The following FAT3 variants were observed in gnomAD, a reference collection of about 807,000 sequenced individuals.
The protein encoded by FAT3 is protocadherin Fat 3.
FAT3 carries 95 observed loss-of-function variants against 310.2 expected under a neutral mutation model. That is an observed-to-expected ratio of 0.31 (90% CI 0.26 to 0.36). The LOEUF is 0.36. FAT3 is among the 10% of genes least tolerant of loss of function. The probability of loss-of-function intolerance (pLI) is 1.00; values close to 1 mark genes in which losing one functional copy is unlikely to be tolerated. For missense variants in FAT3, 5,408 were observed against 5,715.6 expected (o/e 0.95, Z 1.74); for synonymous variants, 2,314 against 2,192.9 (o/e 1.06, Z -1.54).
Position 92,524,653 on chromosome 11 carries a change from C to T in FAT3, c.3312C>T (p.Asp1104=), listed in dbSNP as rs763588628. 2.5e-6 allele frequency: 4 copies of T among 1,613,094 alleles called. No homozygotes were observed. The highest frequency in any genetic ancestry group is 2.7e-5 in the African/African-American group (2 of 74,880). ...DDESGVITAA[D]ILDRETMGSY... is the part of the protein sequence containing the mutation. ...TCTCAGGGGTCATCACTGCCGCAGACATTCTTGATCGGGAGACAATGGGGT... is the reference window on the plus strand; with the variant it reads ...TCTCAGGGGTCATCACTGCCGCAGATATTCTTGATCGGGAGACAATGGGGT... Residue 1104 remains aspartate (D), a synonymous_variant, in exon 3 of 28, where the codon GAC becomes GAT. Coordinates refer to ENST00000525166, the MANE Select transcript of FAT3 (RefSeq NM_001367949.2).
At chr11:92,718,589 G>C (rs1944761039) in intron 4 of FAT3, among the ~76,000 whole-genome samples, 1 of 152,078 alleles carries the variant, frequency 6.6e-6, no homozygotes, top group African/African-American at 2.4e-5. Context: ...TGTCTTCCTA[G>C]TATATAGCAT....
At chr11:92,345,106 G>A (rs1948377328) in intron 1 of FAT3, among the ~76,000 whole-genome samples, 1 of 152,058 alleles carries the variant, frequency 6.6e-6, no homozygotes, top group African/African-American at 2.4e-5. Flanking sequence ...GAAATAGTGG[G>A]CTAGCTATTT....
intron 19 of FAT3, among the ~76,000 whole-genome samples, chr11:92,847,114 C>T (rs980921000): frequency 1.3e-5 from 2 of 152,228 alleles, no homozygotes; most frequent in African/African-American, 4.8e-5. Flanking sequence ...TGAATCATAA[C>T]CTCAGTGCTA....
At position 92,758,754 on chromosome 11, in the gene FAT3, A is replaced by AG. The variant is rs755061931; in HGVS notation, c.3670-3099dup. On this transcript the variant is annotated intron_variant, in intron 4 of 27. Transcript: ENST00000525166. ...GCAAGATGCAAGGGGGGTCTGTAAT[A>AG]GGGCAGTGTGACAGAAGAGTTGGCA... is the stretch of plus-strand genomic sequence containing the variant. Among the ~76,000 whole-genome samples, 7 of 152,290 alleles carry AG rather than the reference A, an allele frequency of 4.6e-5. No homozygotes were observed. In the East Asian group the frequency reaches 1.4e-3, roughly 29 times the overall value.
chr11:92,783,387 G>A (rs1435221831), intron 7 of FAT3, among the ~76,000 whole-genome samples: 1 of 146,496 alleles, frequency 6.8e-6, no homozygotes, highest in Middle Eastern at 3.3e-3. Flanking sequence ...AAAAGGCAGT[G>A]GCCTATACTT....
At chr11:92,595,900 C>T (rs929798917) in intron 3 of FAT3, among the ~76,000 whole-genome samples, 8 of 152,116 alleles carry the variant, frequency 5.3e-5, no homozygotes, top group East Asian at 3.9e-4. Context: ...GCTTGGGATC[C>T]GGGTTCCTGG....
chr11:92,404,045 G>A (rs997932442), intron 2 of FAT3, among the ~76,000 whole-genome samples: 1 of 151,874 alleles, frequency 6.6e-6, no homozygotes, highest in Non-Finnish European at 1.5e-5. Context: ...GAAAAAAAAG[G>A]GAGAGAAAGA....
chr11:92,671,250 G>C (rs1244162211), intron 3 of FAT3, among the ~76,000 whole-genome samples: 1 of 151,880 alleles, frequency 6.6e-6, no homozygotes, highest in Non-Finnish European at 1.5e-5. Flanking sequence ...TCGTCATGTT[G>C]GTCAGGCTGG....
Position 92,352,818 on chromosome 11 carries a change from C to G in FAT3, c.706C>G (p.Arg236Gly), listed in dbSNP as rs267603238. ...RYDLEILAVD[R>G]GMKLYGNNGV... ...TGATCTGGAAATTTTGGCTGTGGAC[C>G]GGGGAATGAAACTGTATGGGAACAA... is the stretch of plus-strand genomic sequence containing the variant. Residue 236 changes from arginine to glycine, a missense_variant, in exon 2 of 28, where the codon CGG becomes GGG. Physicochemically the swap from Arg to Gly is moderately radical, Grantham distance 125. Transcript: ENST00000525166. 1 of 1,613,728 alleles carries G rather than the reference C, an allele frequency of 6.2e-7. No homozygotes were observed. Among genetic ancestry groups the G allele is most frequent in the Non-Finnish European group, 8.5e-7 (1 of 1,179,854 alleles).
chr11:92,884,656 T>C (rs1004343463), intron 24 of FAT3, among the ~76,000 whole-genome samples: 6 of 152,218 alleles, frequency 3.9e-5, no homozygotes, highest in African/African-American at 1.4e-4. Flanking sequence ...TTCCTACTGA[T>C]ATCTTTAAGC....
chr11:92,667,935 A>G (rs1314143145), intron 3 of FAT3, among the ~76,000 whole-genome samples: 2 of 152,150 alleles, frequency 1.3e-5, no homozygotes, highest in Non-Finnish European at 2.9e-5. Context: ...CAGCATAATG[A>G]TGTGTGTGCT....
intron 1 of FAT3, among the ~76,000 whole-genome samples, chr11:92,254,730 A>T (rs972578398): frequency 6.6e-6 from 1 of 151,868 alleles, no homozygotes; most frequent in Non-Finnish European, 1.5e-5. Context: ...TTTGAGGTGG[A>T]GTTTCACTCT....
intron 3 of FAT3, among the ~76,000 whole-genome samples, chr11:92,624,209 TGA>T (rs1047099929): frequency 6.6e-6 from 1 of 152,084 alleles, no homozygotes; most frequent in African/African-American, 2.4e-5. Context: ...CCCTTGAAAG[TGA>T]TGACACCTGC....
intron 2 of FAT3, among the ~76,000 whole-genome samples, chr11:92,416,772 G>C (rs965530706): frequency 4.6e-5 from 7 of 152,194 alleles, no homozygotes; most frequent in Non-Finnish European, 7.3e-5. Context: ...GCAGGTTCCA[G>C]TTAAGAGGGT....
intron 1 of FAT3, among the ~76,000 whole-genome samples, chr11:92,349,507 G>A (rs140760622): frequency 2.0e-5 from 3 of 152,280 alleles, no homozygotes; most frequent in African/African-American, 7.2e-5. Context: ...TGTGGGCTTC[G>A]CCACTCTGCT....
chr11:92,610,257 C>T (rs958016004), intron 3 of FAT3, among the ~76,000 whole-genome samples: 1 of 152,130 alleles, frequency 6.6e-6, no homozygotes, highest in Admixed American at 6.5e-5. Context: ...CGATGTATAG[C>T]TTTCAGTCAT....
chr11:92,792,326 G>A (rs1947059044), intron 8 of FAT3, among the ~76,000 whole-genome samples: 1 of 152,170 alleles, frequency 6.6e-6, no homozygotes, highest in Admixed American at 6.5e-5. Context: ...GACAATAAAT[G>A]TTAGTTGAAT....
chr11:92,568,705 T>C (rs1024206385), intron 3 of FAT3, among the ~76,000 whole-genome samples: 1 of 152,168 alleles, frequency 6.6e-6, no homozygotes, highest in African/African-American at 2.4e-5. Flanking sequence ...GCTAGTCTTG[T>C]TAACTCCTTT....
intron 2 of FAT3, chr11:92,367,037 C>T (rs921180268): frequency 7.9e-6 from 4 of 509,038 alleles, no homozygotes; most frequent in South Asian, 1.4e-5. Flanking sequence ...TCAATAACAT[C>T]TAGCACTGTC....
Sources: allele counts gnomAD v4.1 joint callset (sites outside exome capture counted in the v4.1 genomes callset), GRCh38; gene constraint gnomAD v4.1.1; transcripts MANE v1.5; gene names NCBI Gene and HGNC (gene_info 2026-07-23, HGNC 2026-07-21).